The following DNAH11 variants were observed in gnomAD, a reference collection of about 807,000 sequenced individuals.
The protein encoded by DNAH11 is dynein axonemal heavy chain 11.
Under a neutral mutation model 526.0 loss-of-function variants are expected in DNAH11, and 442 were observed. The ratio of observed to expected loss-of-function variants is 0.84; its 90% confidence interval spans 0.78 to 0.91. The LOEUF (loss-of-function observed/expected upper bound fraction) is 0.91, where lower values mean the gene tolerates loss of function less well. Among genes scored for constraint, DNAH11 ranks in the 40% least tolerant of loss-of-function variants. The pLI, the probability that DNAH11 is intolerant of heterozygous loss-of-function variation, is 0.00. For synonymous variants in DNAH11, 2,461 were observed against 1,935.9 expected (o/e 1.27, Z -7.12); for missense variants, 6,989 against 5,448.7 (o/e 1.28, Z -8.90).
At chr7:21,645,796 T>G (rs764268086) in intron 28 of DNAH11, among the ~76,000 whole-genome samples, 2 of 145,462 alleles carry the variant, frequency 1.4e-5, no homozygotes, top group Non-Finnish European at 3.0e-5. Flanking sequence ...TATCTAAGAA[T>G]CAATTCCAGA....
intron 45 of DNAH11, among the ~76,000 whole-genome samples, chr7:21,734,791 A>G (rs1403945127): frequency 4.7e-5 from 7 of 150,450 alleles, no homozygotes; most frequent in South Asian, 4.3e-4. Context: ...TCAGGAAGTC[A>G]AGGCTGCAGT....
chr7:21,686,803 T>G (rs893399125), intron 32 of DNAH11, among the ~76,000 whole-genome samples: 1 of 152,158 alleles, frequency 6.6e-6, no homozygotes, highest in African/African-American at 2.4e-5. Flanking sequence ...TATCAGAAAT[T>G]TAATAGTGTT....
chr7:21,615,693 A>G (rs2128452419), intron 21 of DNAH11, among the ~76,000 whole-genome samples: 1 of 152,268 alleles, frequency 6.6e-6, no homozygotes, highest in South Asian at 2.1e-4. Context: ...TAATTAAGTT[A>G]AAAACTTAAG....
intron 57 of DNAH11, among the ~76,000 whole-genome samples, chr7:21,782,607 T>C (rs908225916): frequency 6.6e-6 from 1 of 152,206 alleles, no homozygotes. Flanking sequence ...TAGCAGCTCC[T>C]AGGCTGATAG....
At chr7:21,896,301 T>C (rs779816944) in intron 79 of DNAH11, among the ~76,000 whole-genome samples, 23 of 152,210 alleles carry the variant, frequency 1.5e-4, no homozygotes, top group Non-Finnish European at 2.6e-4. Context: ...TAAATCATCT[T>C]GTGTTTCTGA....
intron 34 of DNAH11, among the ~76,000 whole-genome samples, chr7:21,690,242 C>A (rs534828983): frequency 3.0e-4 from 46 of 152,248 alleles, no homozygotes; most frequent in Non-Finnish European, 5.6e-4. Flanking sequence ...TCTGAATACT[C>A]ACAGTCTGGC....
intron 42 of DNAH11, among the ~76,000 whole-genome samples, chr7:21,712,894 C>T (rs1187624348): frequency 6.6e-6 from 1 of 152,162 alleles, no homozygotes; most frequent in Admixed American, 6.5e-5. Context: ...TGGACATTAC[C>T]TGGTTCACAT....
At chr7:21,721,736 G>A (rs188049460) in intron 44 of DNAH11, among the ~76,000 whole-genome samples, 3 of 152,096 alleles carry the variant, frequency 2.0e-5, no homozygotes, top group Non-Finnish European at 4.4e-5. Context: ...CACACTGTGG[G>A]GTAGGGCTTC....
At chr7:21,798,053 G>C (rs1251287576) in intron 61 of DNAH11, among the ~76,000 whole-genome samples, 1 of 152,202 alleles carries the variant, frequency 6.6e-6, no homozygotes, top group Non-Finnish European at 1.5e-5. Context: ...TGAAAAATGA[G>C]TCCACACCAC....
At chr7:21,891,867 C>T (rs1367984566) in intron 76 of DNAH11, among the ~76,000 whole-genome samples, 3 of 152,202 alleles carry the variant, frequency 2.0e-5, no homozygotes, top group South Asian at 2.1e-4. Flanking sequence ...ACACATTTTT[C>T]ATTAAATGCA....
chr7:21,875,953 G>A (rs1783693496), intron 74 of DNAH11, among the ~76,000 whole-genome samples: 1 of 137,212 alleles, frequency 7.3e-6, no homozygotes, highest in Non-Finnish European at 1.5e-5. Context: ...GTACGATCTC[G>A]GCTCACTGCA....
At chr7:21,578,342 A>G (rs965033876) in intron 8 of DNAH11, among the ~76,000 whole-genome samples, 2 of 152,242 alleles carry the variant, frequency 1.3e-5, no homozygotes, top group Non-Finnish European at 2.9e-5. Context: ...CAAGGCAGTC[A>G]TTACATCTTA....
intron 57 of DNAH11, among the ~76,000 whole-genome samples, chr7:21,783,455 T>TA (rs1436164605): frequency 2.0e-5 from 3 of 152,170 alleles, no homozygotes; most frequent in Non-Finnish European, 4.4e-5. Flanking sequence ...TCTGAAGAAA[T>TA]ATACTTTTGT....
At chr7:21,726,938 T>TTTTTTC (rs1562512202) in intron 45 of DNAH11, among the ~76,000 whole-genome samples, 1 of 71,244 alleles carries the variant, frequency 1.4e-5, no homozygotes, top group Non-Finnish European at 2.8e-5. Flanking sequence ...CTCTTTTCTT[T>TTTTTTC]TTTTTTTTTT....
At chr7:21,718,553 G>C (rs1005629387) in intron 43 of DNAH11, among the ~76,000 whole-genome samples, 1 of 152,118 alleles carries the variant, frequency 6.6e-6, no homozygotes, top group Non-Finnish European at 1.5e-5. Flanking sequence ...TCTTCATCTT[G>C]AGACAGCTGG....
chr7:21,809,678 C>G (rs1789422739), intron 63 of DNAH11, among the ~76,000 whole-genome samples: 1 of 152,096 alleles, frequency 6.6e-6, no homozygotes, highest in Non-Finnish European at 1.5e-5. Context: ...ATTCTCCTGC[C>G]TCAGCCTCCC....
intron 44 of DNAH11, among the ~76,000 whole-genome samples, chr7:21,721,909 G>T (rs1784892441): frequency 6.6e-6 from 1 of 151,966 alleles, no homozygotes; most frequent in African/African-American, 2.4e-5. Context: ...GTCAACCCTG[G>T]GTCAATTCCT....
intron 74 of DNAH11, 135 bp downstream of exon 74, chr7:21,873,636 G>T: frequency 2.5e-6 from 2 of 803,482 alleles, no homozygotes; most frequent in Non-Finnish European, 4.0e-6. Flanking sequence ...GAAGGGTAGG[G>T]GTGGGCGTGT....
At chr7:21,578,954 G>A (rs1784209954) in intron 8 of DNAH11, among the ~76,000 whole-genome samples, 1 of 152,116 alleles carries the variant, frequency 6.6e-6, no homozygotes, top group South Asian at 2.1e-4. Context: ...AGAAACCTTT[G>A]AGTCATCTGT....
Sources: gnomAD v4.1 joint callset for allele counts (sites outside exome capture counted in the v4.1 genomes callset) on GRCh38, gnomAD v4.1.1 for gene constraint, MANE v1.5 for transcripts, NCBI Gene and HGNC (gene_info 2026-07-23, HGNC 2026-07-21) for gene names.